The following CBR4 variants were observed in gnomAD, a reference collection of about 807,000 sequenced individuals.
The protein encoded by CBR4 is carbonyl reductase 4.
In CBR4, 22 loss-of-function variants were observed where a neutral mutation model predicts 21.0. The observed-to-expected ratio is 1.05, with a 90% CI of 0.75 to 1.50. The LOEUF is 1.50. CBR4 is among the 40% of genes most tolerant of loss of function. The probability of loss-of-function intolerance (pLI) is 0.00; values close to 1 mark genes in which losing one functional copy is unlikely to be tolerated. For synonymous variants in CBR4, 100 were observed against 104.4 expected (o/e 0.96, Z 0.26); for missense variants, 302 against 286.3 (o/e 1.05, Z -0.40).
intron 2 of CBR4, among the ~76,000 whole-genome samples, chr4:168,948,079 G>A (rs1326876125): frequency 6.6e-6 from 1 of 152,172 alleles, no homozygotes; most frequent in Non-Finnish European, 1.5e-5. Context: ...TCTTGCAGGA[G>A]TAAGGTGGTA....
chr4:168,898,992 A>T (rs1339201344), intron 2 of CBR4, among the ~76,000 whole-genome samples: 1 of 152,186 alleles, frequency 6.6e-6, no homozygotes, highest in Non-Finnish European at 1.5e-5. Context: ...TGTTATTCCC[A>T]AATCACAAAT....
At chr4:168,913,136 CTTT>C (rs33986728) in intron 2 of CBR4, among the ~76,000 whole-genome samples, 10 of 119,018 alleles carry the variant, frequency 8.4e-5, no homozygotes, top group Admixed American at 2.6e-4. Flanking sequence ...ATGCCACTAA[CTTT>C]TTTTTTTTTT....
At chr4:168,982,374 A>AATAT (rs199792060) in intron 2 of CBR4, among the ~76,000 whole-genome samples, 2 of 152,066 alleles carry the variant, frequency 1.3e-5, no homozygotes, top group South Asian at 2.1e-4. Flanking sequence ...AACTATCCTA[A>AATAT]ATATATATAT....
intron 2 of CBR4, among the ~76,000 whole-genome samples, chr4:168,971,988 T>C (rs1023945001): frequency 6.6e-6 from 1 of 152,214 alleles, no homozygotes; most frequent in Non-Finnish European, 1.5e-5. Flanking sequence ...GAGAACCCAG[T>C]TTCATTCTTC....
chr4:168,902,448 T>C (rs1417743020), intron 2 of CBR4, among the ~76,000 whole-genome samples: 2 of 152,186 alleles, frequency 1.3e-5, no homozygotes, highest in African/African-American at 4.8e-5. Flanking sequence ...TGGGCCTATC[T>C]TTCAACTGTG....
At chr4:168,922,777 A>G (rs1392808856) in intron 2 of CBR4, among the ~76,000 whole-genome samples, 2 of 152,178 alleles carry the variant, frequency 1.3e-5, no homozygotes, top group South Asian at 2.1e-4. Context: ...TCTAACCTCA[A>G]ACTAAAACTT....
In CBR4 at chr4:168,990,075, T is replaced by C; in HGVS notation, c.*75A>G. The C allele has an allele frequency of 1.0e-5, 14 of 1,389,786 alleles. No homozygotes were observed. Among genetic ancestry groups the C allele is most frequent in the Non-Finnish European group, 1.3e-5 (14 of 1,063,608 alleles). The allele number at this position is 1,389,786 out of a possible 1,614,324, so 86.1% of individuals were successfully genotyped here. Reference sequence around the variant, plus strand: ...GTTTGATTAGCACATGTTACCCATGTAGGTATAATTGTCTAATCAGTAGCC... The same window carrying C: ...GTTTGATTAGCACATGTTACCCATGCAGGTATAATTGTCTAATCAGTAGCC... On this transcript the variant is annotated 3_prime_UTR_variant, in exon 5 of 5. Coordinates refer to ENST00000306193, the MANE Select transcript of CBR4 (RefSeq NM_032783.5).
At chr4:168,906,942 G>A (rs971045735) in intron 2 of CBR4, among the ~76,000 whole-genome samples, 1 of 152,164 alleles carries the variant, frequency 6.6e-6, no homozygotes, top group African/African-American at 2.4e-5. Flanking sequence ...GGGCAACACC[G>A]ATGATACTGA....
intron 2 of CBR4, among the ~76,000 whole-genome samples, chr4:168,965,874 T>G (rs556861265): frequency 6.6e-6 from 1 of 152,114 alleles, no homozygotes; most frequent in South Asian, 2.1e-4. Flanking sequence ...CCAAAAGCAA[T>G]GGCAACAAAA....
rs5863967 is a variant in CBR4 at position 168,921,406 on chromosome 4, CA to C, written n.170-26642del. The stretch of plus-strand genomic sequence containing the variant: ...TGGGCAATAAGAGTGAAACTCTGTC[CA>C]AAAAAAAAAAAAAAAAAAAGCCACC... On this transcript the variant is annotated intron_variant and non_coding_transcript_variant, in intron 2 of 3. Transcript: ENST00000509108. The C allele has an allele frequency of 0.2, 71,140 of 353,154 alleles. 998 individuals carry two copies. Among genetic ancestry groups the C allele is most frequent in the African/African-American group, 0.4 (9,583 of 24,112 alleles). 21.9% of individuals were successfully genotyped at this position (353,154 alleles called of 1,614,324 possible).
rs574192896 is a variant in CBR4 at position 168,947,326 on chromosome 4, T to A, written n.170-52561A>T. On this transcript the variant is annotated intron_variant and non_coding_transcript_variant, in intron 2 of 3. Coordinates refer to the CBR4 transcript ENST00000509108. ...TGGGCCAGTAGAGTGTTCTGCACCC[T>A]GAATTTTGCTGATTACTCATGGTGC... Among the ~76,000 whole-genome samples the A allele has an allele frequency of 3.5e-4, 54 of 152,324 alleles. No individual in the cohort carries two copies. The South Asian group carries it at 0.011, about 31-fold the overall frequency.
Position 168,989,375 on chromosome 4 carries a change from C to G in CBR4, c.*775G>C. On this transcript the variant is annotated 3_prime_UTR_variant, in exon 5 of 5. Transcript: ENST00000306193. ...ATCCTCTTCACTTATGAGAATTTCT[C>G]AAGAATGAGTCAAATGCGCCACATT... 9 of 985,406 alleles carry G rather than the reference C, an allele frequency of 9.1e-6. No individual in the cohort carries two copies. Among genetic ancestry groups the G allele is most frequent in the African/African-American group, 1.7e-5 (1 of 57,352 alleles). The allele number at this position is 985,406 out of a possible 1,614,324, so 61.0% of individuals were successfully genotyped here.
intron 2 of CBR4, among the ~76,000 whole-genome samples, chr4:168,976,236 A>G (rs758781633): frequency 2.6e-4 from 39 of 152,178 alleles, no homozygotes; most frequent in African/African-American, 4.6e-4. Context: ...CCCTTCCCCA[A>G]GGACCTCTGT....
rs1248326568 is a variant in CBR4, at chr4:168,972,718, T to G, written n.169+29353A>C. Reference sequence around the variant, plus strand: ...GTTTTCTAGGTATACGATCATATCATCAGCAAACGGTGACAGTTTGACTTC... The same window carrying G: ...GTTTTCTAGGTATACGATCATATCAGCAGCAAACGGTGACAGTTTGACTTC... On this transcript the variant is annotated intron_variant and non_coding_transcript_variant, in intron 2 of 3. Coordinates refer to the CBR4 transcript ENST00000509108. Among the ~76,000 whole-genome samples the G allele has an allele frequency of 2.1e-4, 32 of 152,186 alleles. 1 individual carries two copies. Among genetic ancestry groups the G allele is most frequent in the Admixed American group, 2.0e-3 (31 of 15,274 alleles).
At chr4:168,942,374 C>A (rs1763288037) in intron 2 of CBR4, among the ~76,000 whole-genome samples, 2 of 151,278 alleles carry the variant, frequency 1.3e-5, no homozygotes, top group South Asian at 4.2e-4. Flanking sequence ...ACGTTCTGCA[C>A]ATGTAATCCC....
At chr4:168,908,356 G>C (rs1230474876) in intron 2 of CBR4, among the ~76,000 whole-genome samples, 1 of 152,074 alleles carries the variant, frequency 6.6e-6, no homozygotes, top group Non-Finnish European at 1.5e-5. Context: ...ACCATTTGTT[G>C]CTGTAAGGAT....
chr4:168,996,984 C>CT (rs1390554802), intron 4 of CBR4, among the ~76,000 whole-genome samples: 1 of 152,188 alleles, frequency 6.6e-6, no homozygotes, highest in Non-Finnish European at 1.5e-5. Flanking sequence ...CTCACACACC[C>CT]TTCTTACTAC....
chr4:168,949,615 G>A (rs1242270644), intron 2 of CBR4, among the ~76,000 whole-genome samples: 1 of 151,816 alleles, frequency 6.6e-6, no homozygotes, highest in Non-Finnish European at 1.5e-5. Flanking sequence ...TCCACATCTG[G>A]GTAATGCTGG....
Position 168,990,028 on chromosome 4 carries a change from T to A in CBR4, c.*122A>T. On this transcript the variant is annotated 3_prime_UTR_variant, in exon 5 of 5. Transcript: ENST00000306193. ...AGACATATTTTTATAAAGACAGAAA[T>A]TAACATTTGTAGCATCAGCAGGTTT... 1 of 1,307,364 alleles carries A rather than the reference T, an allele frequency of 7.6e-7. No homozygotes were observed. Among genetic ancestry groups the A allele is most frequent in the Non-Finnish European group, 9.8e-7 (1 of 1,021,176 alleles). 81.0% of individuals were successfully genotyped at this position (1,307,364 alleles called of 1,614,324 possible).
Sources: allele counts gnomAD v4.1 joint callset (sites outside exome capture counted in the v4.1 genomes callset), GRCh38; gene constraint gnomAD v4.1.1; transcripts MANE v1.5; gene names NCBI Gene and HGNC (gene_info 2026-07-23, HGNC 2026-07-21).